The following TPCN1 variants were observed in gnomAD, a reference collection of about 807,000 sequenced individuals.
The protein encoded by TPCN1 is two pore channel protein 1.
In TPCN1, 52 loss-of-function variants were observed where a neutral mutation model predicts 108.8. The observed-to-expected ratio is 0.48, with a 90% CI of 0.38 to 0.60. TPCN1 has a LOEUF of 0.60. Ranked by LOEUF, TPCN1 falls within the 20% of genes least tolerant of loss-of-function variation. TPCN1 has a pLI of 0.00. For missense variants in TPCN1, 806 were observed against 1,072.8 expected (o/e 0.75, Z 3.47); for synonymous variants, 446 against 433.7 (o/e 1.03, Z -0.35).
Position 113,296,818 on chromosome 12 carries a change from G to A in TPCN1, c.*742G>A, listed in dbSNP as rs1956443338. 6.6e-6 allele frequency: 1 copy of A among 152,348 alleles called. No individual in the cohort carries two copies. Among genetic ancestry groups the A allele is most frequent in the African/African-American group, 2.4e-5 (1 of 41,472 alleles). 9.4% of individuals were successfully genotyped at this position (152,348 alleles called of 1,614,324 possible). A position where few individuals can be genotyped will look rare whatever the true frequency, so the allele number is the denominator to read the frequency against. On this transcript the variant is annotated 3_prime_UTR_variant, in exon 28 of 28. Transcript: ENST00000335509. The stretch of plus-strand genomic sequence containing the variant: ...CCTCCTTGGGGACCCAGAACCCGGA[G>A]GAAGGGGCATGAGGCAGGAAGTGGG...
chr12:113,254,990 G>C (rs1954780088), intron 2 of TPCN1, among the ~76,000 whole-genome samples: 1 of 152,192 alleles, frequency 6.6e-6, no homozygotes, highest in Non-Finnish European at 1.5e-5. Flanking sequence ...TCAGGAATGA[G>C]ACAAAGATAT....
intron 3 of TPCN1, among the ~76,000 whole-genome samples, chr12:113,264,484 G>A (rs1437939453): frequency 6.6e-6 from 1 of 152,112 alleles, no homozygotes; most frequent in Non-Finnish European, 1.5e-5. Context: ...TTCGAGACCA[G>A]CCTGGGCAAC....
chr12:113,291,500 A>T, intron 23 of TPCN1, 109 bp from the exon 24 acceptor site: 1 of 924,296 alleles, frequency 1.1e-6, no homozygotes, highest in Non-Finnish European at 1.7e-6. Flanking sequence ...ACAACCAGCC[A>T]CAAATCACGG....
chr12:113,221,549 GT>G lies in TPCN1; in HGVS notation c.-199del. The G allele has an allele frequency of 7.4e-6, 2 of 269,442 alleles. No homozygotes were observed. Among genetic ancestry groups the G allele is most frequent in the Non-Finnish European group, 1.5e-5 (2 of 134,660 alleles). 16.7% of individuals were successfully genotyped at this position (269,442 alleles called of 1,614,324 possible). ...CGGCTGCAACAGCTTCGGGCTCGGG[GT>G]TTTGGCGGCGGCGCCGGCGGGCTAG... On this transcript the variant is annotated 5_prime_UTR_variant, in exon 1 of 28. Coordinates refer to ENST00000335509, the MANE Select transcript of TPCN1 (RefSeq NM_017901.6).
At chr12:113,248,519 G>A (rs1011322219) in intron 2 of TPCN1, among the ~76,000 whole-genome samples, 1 of 152,244 alleles carries the variant, frequency 6.6e-6, no homozygotes, top group Non-Finnish European at 1.5e-5. Flanking sequence ...TGTAGGGGAG[G>A]CCAAGGGTAG....
At chr12:113,286,216 T>C (rs542330707) in intron 18 of TPCN1, among the ~76,000 whole-genome samples, 2 of 152,298 alleles carry the variant, frequency 1.3e-5, no homozygotes, top group South Asian at 2.1e-4. Context: ...CATAGACTGA[T>C]TGGCTCTTCC....
intron 2 of TPCN1, among the ~76,000 whole-genome samples, chr12:113,228,745 G>T (rs973778891): frequency 6.6e-6 from 1 of 152,316 alleles, no homozygotes; most frequent in African/African-American, 2.4e-5. Context: ...CTTGTCCAAG[G>T]TCACACAGCT....
chr12:113,273,308 C>T lies in TPCN1; in HGVS notation c.842+18C>T, dbSNP rs1403982373. The T allele has an allele frequency of 6.2e-7, 1 of 1,614,046 alleles. No homozygotes were observed. Among genetic ancestry groups the T allele is most frequent in the Non-Finnish European group, 8.5e-7 (1 of 1,179,850 alleles). The stretch of plus-strand genomic sequence containing the variant: ...ACAGCCAAGTAAGTGCAGGCTCTGC[C>T]TTGCCTTTGGTCCTCTGCTGCCGCC... On this transcript the variant is annotated intron_variant, in intron 9 of 27. Transcript: ENST00000335509. The surrounding 1 kb of genome is among the most constrained non-coding windows in gnomAD (Gnocchi z 4.0).
At position 113,273,714 on chromosome 12, in the gene TPCN1, C is replaced by T. The variant is rs1202649686; in HGVS notation, c.942+46C>T. 2.8e-6 allele frequency: 4 copies of T among 1,430,018 alleles called. No individual in the cohort carries two copies. The highest frequency in any genetic ancestry group is 1.7e-5 in the Admixed American group (1 of 59,766). 88.6% of individuals were successfully genotyped at this position (1,430,018 alleles called of 1,614,324 possible). A position where few individuals can be genotyped will look rare whatever the true frequency, so the allele number is the denominator to read the frequency against. The stretch of plus-strand genomic sequence containing the variant: ...CTACGCTGAAGCAGCCTGCCCCTAC[C>T]CATGCAGCACTAGGCACTGTGGGAG... On this transcript the variant is annotated intron_variant, in intron 10 of 27. Coordinates refer to ENST00000335509, the MANE Select transcript of TPCN1 (RefSeq NM_017901.6). This position sits in a 1 kb window ranked among gnomAD's most constrained non-coding sequence, Gnocchi z 4.0.
intron 27 of TPCN1, 106 bp from the exon 28 acceptor site, chr12:113,295,854 G>T: frequency 7.7e-7 from 1 of 1,297,664 alleles, no homozygotes; most frequent in Non-Finnish European, 1.0e-6. Flanking sequence ...GAGGCTGGCA[G>T]CCCTGCCCCT....
chr12:113,248,090 A>G (rs1954472638), intron 2 of TPCN1, among the ~76,000 whole-genome samples: 1 of 152,238 alleles, frequency 6.6e-6, no homozygotes, highest in South Asian at 2.1e-4. Flanking sequence ...TTTTACAAAT[A>G]CAAACTTACC....
intron 2 of TPCN1, among the ~76,000 whole-genome samples, chr12:113,248,736 G>A (rs2136515784): frequency 6.6e-6 from 1 of 152,302 alleles, no homozygotes; most frequent in South Asian, 2.1e-4. Context: ...GGAGGCTGGG[G>A]CACGTTTGGG....
intron 2 of TPCN1, among the ~76,000 whole-genome samples, chr12:113,247,278 T>G (rs1954432532): frequency 6.6e-6 from 1 of 152,156 alleles, no homozygotes; most frequent in Non-Finnish European, 1.5e-5. Flanking sequence ...AAGCAGGGGC[T>G]CATTCTCCCA....
At chr12:113,239,170 T>A (rs1467211793) in intron 2 of TPCN1, among the ~76,000 whole-genome samples, 1 of 151,990 alleles carries the variant, frequency 6.6e-6, no homozygotes, top group Non-Finnish European at 1.5e-5. Context: ...CAAAATAAAA[T>A]ATAGGTGGGA....
chr12:113,282,793 A>G (rs549899632), intron 15 of TPCN1, among the ~76,000 whole-genome samples: 1 of 147,654 alleles, frequency 6.8e-6, no homozygotes, highest in Non-Finnish European at 1.5e-5. Context: ...TTTCATAATT[A>G]TGTAAATTAG....
At chr12:113,241,326 G>T (rs1954113435) in intron 2 of TPCN1, among the ~76,000 whole-genome samples, 1 of 152,098 alleles carries the variant, frequency 6.6e-6, no homozygotes, top group Non-Finnish European at 1.5e-5. Flanking sequence ...CTCACCTCTT[G>T]TTACTCTTCT....
intron 25 of TPCN1, 53 bp from the exon 26 acceptor site, chr12:113,292,880 AG>A (rs1366706471): frequency 1.9e-6 from 3 of 1,580,634 alleles, no homozygotes; most frequent in Non-Finnish European, 1.7e-6. Context: ...AGACCCAGCC[AG>A]GTTGGCAGCT....
chr12:113,284,527 G>T lies in TPCN1; in HGVS notation c.1343-54G>T. 2 of 1,607,860 alleles carry T rather than the reference G, an allele frequency of 1.2e-6. No individual in the cohort carries two copies. The highest frequency in any genetic ancestry group is 1.1e-5 in the South Asian group (1 of 90,880). On this transcript the variant is annotated intron_variant, in intron 15 of 27. Coordinates refer to ENST00000335509, the MANE Select transcript of TPCN1 (RefSeq NM_017901.6). This position sits in a 1 kb window ranked among gnomAD's most constrained non-coding sequence, Gnocchi z 4.1. ...CCAGGGACTTCAGCTGCGACCTGCA[G>T]ATTTCTAAGCCCCCCTGTTATTTCT...
Position 113,266,851 on chromosome 12 carries a change from G to C in TPCN1, c.414+495G>C, listed in dbSNP as rs930245853. Among the ~76,000 whole-genome samples the C allele has an allele frequency of 6.6e-6, 1 of 152,186 alleles. No homozygotes were observed. The highest frequency in any genetic ancestry group is 1.5e-5 in the Non-Finnish European group (1 of 68,032). On this transcript the variant is annotated intron_variant, in intron 4 of 27. Coordinates refer to ENST00000335509, the MANE Select transcript of TPCN1 (RefSeq NM_017901.6). The surrounding 1 kb of genome is among the most constrained non-coding windows in gnomAD (Gnocchi z 4.2). ...TCCCCTTCTCAAGGGGTGTGTGGTA[G>C]GCATGGAAGCAGGGAAGGGAGCCTG...
Sources: allele counts gnomAD v4.1 joint callset (sites outside exome capture counted in the v4.1 genomes callset), GRCh38; gene constraint gnomAD v4.1.1; non-coding constraint Gnocchi (gnomAD v3.1); transcripts MANE v1.5; gene names NCBI Gene and HGNC (gene_info 2026-07-23, HGNC 2026-07-21).